PCDH15: variants seen among roughly 807,000 people sequenced by gnomAD.
The protein encoded by PCDH15 is protocadherin related 15, also known as protocadherin-15.
In PCDH15, 129 loss-of-function variants were observed where a neutral mutation model predicts 178.5. The observed-to-expected ratio is 0.72, with a 90% CI of 0.63 to 0.84. The LOEUF (loss-of-function observed/expected upper bound fraction) is 0.84, where lower values mean the gene tolerates loss of function less well. Ranked by LOEUF, PCDH15 falls within the 40% of genes least tolerant of loss-of-function variation. The probability of loss-of-function intolerance (pLI) is 0.00; values close to 1 mark genes in which losing one functional copy is unlikely to be tolerated. For missense variants in PCDH15, 2,230 were observed against 2,099.9 expected (o/e 1.06, Z -1.21); for synonymous variants, 800 against 732.0 (o/e 1.09, Z -1.50).
At chr10:55,248,000 G>A (rs547256707) in intron 1 of PCDH15, 2 of 133,602 alleles carry the variant, frequency 1.5e-5, no homozygotes, top group Admixed American at 1.6e-4. Flanking sequence ...TTTACAAATA[G>A]TGTCACTACA....
At chr10:55,408,881 C>T (rs569545950) in intron 2 of PCDH15, among the ~76,000 whole-genome samples, 5 of 152,270 alleles carry the variant, frequency 3.3e-5, no homozygotes, top group African/African-American at 1.2e-4. Flanking sequence ...CAATTTTAAG[C>T]TCTCTGCTTG....
intron 2 of PCDH15, among the ~76,000 whole-genome samples, chr10:55,068,174 G>A (rs1032294300): frequency 6.6e-6 from 1 of 151,994 alleles, no homozygotes; most frequent in South Asian, 2.1e-4. Context: ...ATGTCCTGAA[G>A]AGTTTTTCTT....
chr10:53,820,497 A>C (rs1391972860), intron 32 of PCDH15, among the ~76,000 whole-genome samples: 1 of 152,030 alleles, frequency 6.6e-6, no homozygotes, highest in Non-Finnish European at 1.5e-5. Flanking sequence ...ATTATCAGGT[A>C]TGAGTTTTGC....
intron 2 of PCDH15, among the ~76,000 whole-genome samples, chr10:54,991,274 A>G (rs1290150322): frequency 1.3e-5 from 2 of 152,186 alleles, no homozygotes; most frequent in Non-Finnish European, 2.9e-5. Flanking sequence ...AACAACATTA[A>G]TGTAATGTAA....
intron 3 of PCDH15, among the ~76,000 whole-genome samples, chr10:54,381,099 C>A (rs1949180958): frequency 6.6e-6 from 1 of 151,578 alleles, no homozygotes; most frequent in Admixed American, 6.6e-5. Flanking sequence ...CATATACAAG[C>A]TTGCTTTAAG....
intron 10 of PCDH15, among the ~76,000 whole-genome samples, chr10:54,208,973 T>G (rs1272750961): frequency 1.3e-5 from 2 of 152,068 alleles, no homozygotes; most frequent in Non-Finnish European, 2.9e-5. Context: ...TTGTCTTTTT[T>G]TTTCCTCTCT....
intron 2 of PCDH15, among the ~76,000 whole-genome samples, chr10:54,974,705 A>G (rs1839023402): frequency 6.6e-6 from 1 of 152,092 alleles, no homozygotes; most frequent in African/African-American, 2.4e-5. Context: ...AAAAGGTTGA[A>G]TAAGTTCAGA....
In PCDH15 at chr10:55,275,600, C is replaced by CT. The variant is rs752362192; in HGVS notation, c.-156+43998dup. On this transcript the variant is annotated intron_variant, in intron 1 of 5. Transcript: ENST00000458638. ...GAATTTGGGTTGGTATTTGTATATTCTTTTTTGTTTCATTGAACTTTTTAA... is the reference window on the plus strand; with the variant it reads ...GAATTTGGGTTGGTATTTGTATATTCTTTTTTTGTTTCATTGAACTTTTTAA... Among the ~76,000 whole-genome samples the CT allele has an allele frequency of 2.2e-4, 33 of 151,230 alleles. No individual in the cohort carries two copies. The East Asian group carries it at 6.4e-3, about 29-fold the overall frequency.
chr10:54,528,345 A>G (rs1285152200), intron 2 of PCDH15: 1 of 1,518,444 alleles, frequency 6.6e-7, no homozygotes, highest in South Asian at 1.2e-5. Context: ...CAGACAAGCA[A>G]TGCTCATGAG....
In PCDH15 at chr10:54,074,452, T is replaced by C. The variant is rs535830235; in HGVS notation, c.2091+4879A>G. 3.9e-5 allele frequency among the ~76,000 whole-genome samples: 6 copies of C among 152,330 alleles called. No homozygotes were observed. In the East Asian group the frequency reaches 1.2e-3, roughly 29 times the overall value. Reference sequence around the variant, plus strand: ...AAGTGGAATCATATGGAATTTAACATTTTGTGACTGGCTAATCTCACTTAG... The same window carrying C: ...AAGTGGAATCATATGGAATTTAACACTTTGTGACTGGCTAATCTCACTTAG... On this transcript the variant is annotated intron_variant, in intron 17 of 37. Transcript: ENST00000644397.
intron 21 of PCDH15, among the ~76,000 whole-genome samples, chr10:53,970,307 T>C (rs1215554505): frequency 1.3e-5 from 2 of 152,090 alleles, no homozygotes; most frequent in African/African-American, 4.8e-5. Context: ...CAAGAAGAGC[T>C]AACTATCCTA....
At chr10:54,855,919 T>A (rs1953733712) in intron 3 of PCDH15, among the ~76,000 whole-genome samples, 2 of 152,160 alleles carry the variant, frequency 1.3e-5, no homozygotes, top group Admixed American at 1.3e-4. Context: ...TACATTAAAA[T>A]CAACTAATGG....
intron 21 of PCDH15, among the ~76,000 whole-genome samples, chr10:53,992,134 C>G (rs750628517): frequency 1.3e-4 from 20 of 152,192 alleles, no homozygotes; most frequent in South Asian, 4.2e-4. Context: ...ATGAGCAACT[C>G]TGGACGGGAG....
chr10:54,256,269 AAAGCATTT>A (rs1801871609), intron 8 of PCDH15, among the ~76,000 whole-genome samples: 2 of 152,332 alleles, frequency 1.3e-5, no homozygotes, highest in Non-Finnish European at 2.9e-5. Context: ...AAGATAAAAA[AAAGCATTT>A]AATGATGATC....
intron 3 of PCDH15, among the ~76,000 whole-genome samples, chr10:54,893,542 G>C (rs980019268): frequency 2.0e-5 from 3 of 152,054 alleles, no homozygotes; most frequent in Admixed American, 2.0e-4. Context: ...TGCTTGGTTA[G>C]TGTGTATGTG....
intron 18 of PCDH15, among the ~76,000 whole-genome samples, chr10:54,031,399 C>T (rs562108310): frequency 1.2e-4 from 18 of 152,020 alleles, no homozygotes; most frequent in African/African-American, 3.4e-4. Context: ...AAGTATGCTA[C>T]GCAATTAAAT....
intron 2 of PCDH15, among the ~76,000 whole-genome samples, chr10:55,078,798 C>T (rs1231828661): frequency 1.3e-5 from 2 of 151,862 alleles, no homozygotes; most frequent in Non-Finnish European, 2.9e-5. Context: ...CCGTGGATCC[C>T]CAAAATCCAT....
At chr10:54,142,660 A>T (rs1203693703) in intron 14 of PCDH15, among the ~76,000 whole-genome samples, 1 of 152,224 alleles carries the variant, frequency 6.6e-6, no homozygotes, top group Non-Finnish European at 1.5e-5. Context: ...AAAGGCTATA[A>T]GAACTTTGTC....
intron 6 of PCDH15, among the ~76,000 whole-genome samples, chr10:54,329,998 A>G (rs922200107): frequency 6.6e-6 from 1 of 151,870 alleles, no homozygotes; most frequent in African/African-American, 2.4e-5. Context: ...GTTCTAAATC[A>G]AAGTCCAGGT....
Sources: allele counts gnomAD v4.1 joint callset (sites outside exome capture counted in the v4.1 genomes callset), GRCh38; gene constraint gnomAD v4.1.1; transcripts MANE v1.5; gene names NCBI Gene and HGNC (gene_info 2026-07-23, HGNC 2026-07-21).